The following TSPEAR variants were observed in gnomAD, a reference collection of about 807,000 sequenced individuals.
TSPEAR encodes thrombospondin type laminin G domain and EAR repeats, also known as thrombospondin-type laminin G domain and EAR repeat-containing protein.
TSPEAR carries 69 observed loss-of-function variants against 71.6 expected under a neutral mutation model. The observed-to-expected ratio is 0.96, with a 90% CI of 0.79 to 1.18. The LOEUF (loss-of-function observed/expected upper bound fraction) is 1.18, where lower values mean the gene tolerates loss of function less well. TSPEAR is among the 50% of genes most tolerant of loss of function. TSPEAR has a pLI of 0.00. For synonymous variants in TSPEAR, 402 were observed against 387.2 expected, an observed-to-expected ratio of 1.04 and a Z score of -0.45; for missense variants, 971 against 894.9, an observed-to-expected ratio of 1.09 and a Z score of -1.09.
rs782582219 is a variant in TSPEAR at position 44,504,790 on chromosome 21, T to C, written c.1846A>G (p.Ile616Val). The C allele has an allele frequency of 1.2e-6, 2 of 1,610,776 alleles. No homozygotes were observed. Among genetic ancestry groups the C allele is most frequent in the Non-Finnish European group, 1.7e-6 (2 of 1,177,958 alleles). The change falls in exon 11 of 12, where the codon ATT becomes GTT. Residue 616 changes from isoleucine to valine, a missense_variant. Physicochemically the swap from Ile to Val is conservative, Grantham distance 29. Transcript: ENST00000323084. ...TCGGCAGCTCATTACCTGTAAATAA[T>C]ACTGTTCACCGAGAAGGTACGCCCA... ...FDGRTFSVNS[I>V]IYRWQGYEGF...
rs1284665194 is a variant in TSPEAR at position 44,498,539 on chromosome 21, G to C, written c.*1244C>G. The C allele has an allele frequency of 6.6e-6, 1 of 152,252 alleles. No individual in the cohort carries two copies. The highest frequency in any genetic ancestry group is 2.4e-5 in the African/African-American group (1 of 41,454). 9.4% of individuals were successfully genotyped at this position (152,252 alleles called of 1,614,324 possible). On this transcript the variant is annotated 3_prime_UTR_variant, in exon 12 of 12. Coordinates refer to ENST00000323084, the MANE Select transcript of TSPEAR (RefSeq NM_144991.3). The stretch of plus-strand genomic sequence containing the variant: ...CCCAAAGCCGGCAAAAGTAGACACT[G>C]AGTTTATTATTTGCCAGACAAGGGG...
Position 44,522,357 on chromosome 21 carries a change from T to C in TSPEAR, c.1337-245A>G, listed in dbSNP as rs73377700. ...AATGCTTGGTGGCCCCCACCGCCCTTGGGACAGGTGTACATCTCCATGGCC... is the reference window on the plus strand; with the variant it reads ...AATGCTTGGTGGCCCCCACCGCCCTCGGGACAGGTGTACATCTCCATGGCC... On this transcript the variant is annotated intron_variant, in intron 8 of 11. Transcript: ENST00000323084. Among the ~76,000 whole-genome samples, 24,994 of 152,244 alleles carry C rather than the reference T, an allele frequency of 0.16. 2,951 individuals carry two copies. Among genetic ancestry groups the C allele is most frequent in the African/African-American group, 0.33 (13,779 of 41,518 alleles).
chr21:44,627,669 T>C (rs1555934773), intron 1 of TSPEAR: 1 of 1,613,572 alleles, frequency 6.2e-7, no homozygotes, highest in Non-Finnish European at 8.5e-7. Context: ...GCCAACAGTC[T>C]AGCTGCCAGC....
chr21:44,608,665 C>A (rs1411542464), intron 1 of TSPEAR, among the ~76,000 whole-genome samples: 3 of 152,180 alleles, frequency 2.0e-5, no homozygotes, highest in Non-Finnish European at 2.9e-5. Context: ...CCGGGATATG[C>A]ACATTAGTGC....
At chr21:44,529,377 C>T (rs1173556213) in intron 5 of TSPEAR, among the ~76,000 whole-genome samples, 2 of 151,974 alleles carry the variant, frequency 1.3e-5, no homozygotes, top group African/African-American at 4.8e-5. Flanking sequence ...AGAGTGGGCC[C>T]GACTGGGGCG....
intron 1 of TSPEAR, among the ~76,000 whole-genome samples, chr21:44,657,432 C>G (rs1555942753): frequency 6.6e-6 from 1 of 152,212 alleles, no homozygotes; most frequent in Admixed American, 6.5e-5. Context: ...AGTTGTGCCA[C>G]TATAGTGCAA....
At chr21:44,535,112 A>G (rs2053066477) in intron 2 of TSPEAR, among the ~76,000 whole-genome samples, 2 of 152,088 alleles carry the variant, frequency 1.3e-5, no homozygotes, top group South Asian at 4.2e-4. Context: ...GTGGAGTTTC[A>G]GTGTTGGGAG....
intron 1 of TSPEAR, among the ~76,000 whole-genome samples, chr21:44,680,635 A>G (rs1986537694): frequency 1.3e-5 from 2 of 152,242 alleles, no homozygotes; most frequent in South Asian, 2.1e-4. Flanking sequence ...TACAGATTCA[A>G]CCTAAATGTC....
intron 2 of TSPEAR, chr21:44,558,182 A>G (rs781854103): frequency 1.0e-5 from 16 of 1,545,302 alleles, no homozygotes; most frequent in Middle Eastern, 1.7e-4. Context: ...AGGCAGGGGC[A>G]CAGCAGGAGG....
In TSPEAR at chr21:44,499,868, G is replaced by C. The variant is rs782299333; in HGVS notation, c.1925C>G (p.Ala642Gly). ...GTAGGCACCAGCCGTGGTGCTGAAG[G>C]CCTCCCAGTCCCTGCAGCCGACGGT... is the stretch of plus-strand genomic sequence containing the variant. ...LPTVGCRDWE[A>G]FSTTAGAYLI... The change falls in exon 12 of 12, where the codon GCC (alanine) becomes GGC (glycine). Residue 642 changes from alanine (A) to glycine (G), a missense_variant. By Grantham distance (60) the Ala-to-Gly change is moderately conservative. Coordinates refer to ENST00000323084, the MANE Select transcript of TSPEAR (RefSeq NM_144991.3). 5.0e-6 allele frequency: 8 copies of C among 1,605,326 alleles called. No homozygotes were observed. The Middle Eastern group carries it at 6.8e-4, about 136-fold the overall frequency.
intron 1 of TSPEAR, chr21:44,574,966 G>C (rs12626886): frequency 0.081 from 131,159 of 1,612,588 alleles, 6,918 homozygotes; most frequent in East Asian, 0.28. Context: ...CTCCTCTGAC[G>C]CCCCGTGTGC....
chr21:44,559,703 T>A (rs1220439052), intron 2 of TSPEAR, among the ~76,000 whole-genome samples: 2 of 152,204 alleles, frequency 1.3e-5, no homozygotes, highest in Non-Finnish European at 2.9e-5. Flanking sequence ...CCTGTGTGTA[T>A]CAGCCCATGC....
In TSPEAR at chr21:44,661,542, C is replaced by T. The variant is rs11910818; in HGVS notation, c.82+49891G>A. The stretch of plus-strand genomic sequence containing the variant: ...CTTAGGCCAAATAAGTTTGAAAGGA[C>T]GTATTAGGCTATTATCGCCTTGCTA... On this transcript the variant is annotated intron_variant, in intron 1 of 11. Coordinates refer to ENST00000323084, the MANE Select transcript of TSPEAR (RefSeq NM_144991.3). Among the ~76,000 whole-genome samples, 561 of 152,230 alleles carry T rather than the reference C, an allele frequency of 3.7e-3. 2 individuals are homozygous for T. Among genetic ancestry groups the T allele is most frequent in the African/African-American group, 0.013 (553 of 41,530 alleles).
At chr21:44,652,405 C>T (rs587729331) in intron 1 of TSPEAR, among the ~76,000 whole-genome samples, 1 of 152,232 alleles carries the variant, frequency 6.6e-6, no homozygotes, top group Non-Finnish European at 1.5e-5. Flanking sequence ...GGTACCAGCA[C>T]AGGCCACTTG....
chr21:44,678,899 T>C (rs1986448514), intron 1 of TSPEAR, among the ~76,000 whole-genome samples: 1 of 152,244 alleles, frequency 6.6e-6, no homozygotes, highest in African/African-American at 2.4e-5. Flanking sequence ...TCTTGGATGC[T>C]AATCTGCCAT....
intron 6 of TSPEAR, among the ~76,000 whole-genome samples, chr21:44,527,889 C>T (rs1300652870): frequency 1.3e-5 from 2 of 152,278 alleles, no homozygotes; most frequent in Non-Finnish European, 2.9e-5. Context: ...GAGCATCTAT[C>T]GCCACCTCCA....
chr21:44,516,297 G>A (rs1302909630), intron 9 of TSPEAR: 1 of 152,380 alleles, frequency 6.6e-6, no homozygotes, highest in Non-Finnish European at 1.5e-5. Flanking sequence ...GCCAGGCCTT[G>A]TTTATCTGGG....
At position 44,705,303 on chromosome 21, in the gene TSPEAR, A is replaced by G. The variant is rs538833408; in HGVS notation, c.82+6130T>C. ...GTGTATATCATTCCAGGACCCTGTA[A>G]TAATTGTGTTAACTACAAAAATTGT... On this transcript the variant is annotated intron_variant, in intron 1 of 11. Transcript: ENST00000323084. Among the ~76,000 whole-genome samples the G allele has an allele frequency of 2.6e-5, 4 of 152,348 alleles. No homozygotes were observed. In the South Asian group the frequency reaches 8.3e-4, roughly 32 times the overall value.
chr21:44,681,914 G>T (rs1264537078), intron 1 of TSPEAR: 7 of 1,614,016 alleles, frequency 4.3e-6, no homozygotes, highest in South Asian at 1.1e-5. Context: ...CAGAGGACTG[G>T]CAGGAGGGAG....
Sources: gnomAD v4.1 joint callset for allele counts (sites outside exome capture counted in the v4.1 genomes callset) on GRCh38, gnomAD v4.1.1 for gene constraint, MANE v1.5 for transcripts, NCBI Gene and HGNC (gene_info 2026-07-23, HGNC 2026-07-21) for gene names.